The following IL1R1 variants were observed in gnomAD, a reference collection of about 807,000 sequenced individuals.
The protein encoded by IL1R1 is interleukin-1 receptor type 1.
Under a neutral mutation model 50.2 loss-of-function variants are expected in IL1R1, and 22 were observed. That is an observed-to-expected ratio of 0.44 (90% confidence interval 0.31 to 0.63). IL1R1 has a LOEUF of 0.63. Among genes scored for constraint, IL1R1 ranks in the 20% least tolerant of loss-of-function variants. IL1R1 has a pLI of 0.07. For missense variants in IL1R1, 509 were observed against 676.2 expected, an observed-to-expected ratio of 0.75 and a Z score of 2.74; for synonymous variants, 251 against 236.7, an observed-to-expected ratio of 1.06 and a Z score of -0.55.
chr2:102,091,482 T>C (rs960354982), intron 1 of IL1R1, among the ~76,000 whole-genome samples: 8 of 152,250 alleles, frequency 5.3e-5, no homozygotes, highest in Admixed American at 6.5e-5. Context: ...TGTATCCTTT[T>C]CTTCTTTCTG....
At chr2:102,079,717 C>T (rs1413779735) in intron 1 of IL1R1, among the ~76,000 whole-genome samples, 1 of 152,068 alleles carries the variant, frequency 6.6e-6, no homozygotes, top group African/African-American at 2.4e-5. Context: ...TCCAAATTGC[C>T]TTTATTGCAG....
At chr2:102,113,868 G>A (rs1234006868) in intron 1 of IL1R1, among the ~76,000 whole-genome samples, 1 of 152,232 alleles carries the variant, frequency 6.6e-6, no homozygotes, top group African/African-American at 2.4e-5. Context: ...TAAGGAAACT[G>A]AGGCTTAAAA....
chr2:102,168,743 C>T, intron 7 of IL1R1, 80 bp downstream of exon 7: 1 of 953,902 alleles, frequency 1.0e-6, no homozygotes, highest in African/African-American at 1.7e-5. Context: ...TGTATCTTTA[C>T]TATATATAAT....
intron 1 of IL1R1, among the ~76,000 whole-genome samples, chr2:102,088,247 G>T (rs959625359): frequency 3.1e-4 from 47 of 152,074 alleles, no homozygotes; most frequent in African/African-American, 1.1e-3. Context: ...GGCACCTATA[G>T]CCTTACAAAA....
chr2:102,148,305 G>A (rs1683333283), intron 1 of IL1R1, among the ~76,000 whole-genome samples: 1 of 152,188 alleles, frequency 6.6e-6, no homozygotes, highest in African/African-American at 2.4e-5. Flanking sequence ...GTGATCATTA[G>A]GGGTAGGTCA....
intron 1 of IL1R1, among the ~76,000 whole-genome samples, chr2:102,135,356 G>A (rs1682287204): frequency 2.0e-5 from 3 of 152,070 alleles, no homozygotes; most frequent in Admixed American, 2.0e-4. Flanking sequence ...AATGTTTTGG[G>A]ACAGGGGATG....
chr2:102,146,841 C>T (rs183988876), intron 1 of IL1R1, among the ~76,000 whole-genome samples: 6 of 152,302 alleles, frequency 3.9e-5, no homozygotes, highest in East Asian at 1.9e-4. Context: ...TGTCAAGCAT[C>T]GATGGCCTCC....
At chr2:102,134,487 T>C (rs1391213156) in intron 1 of IL1R1, among the ~76,000 whole-genome samples, 20 of 152,162 alleles carry the variant, frequency 1.3e-4, no homozygotes. Context: ...CAAGTGATTC[T>C]TCTGCCTCAG....
At chr2:102,114,821 G>GCAGA (rs2104377008) in intron 1 of IL1R1, among the ~76,000 whole-genome samples, 1 of 151,846 alleles carries the variant, frequency 6.6e-6, no homozygotes, top group East Asian at 1.9e-4. Context: ...GGAAGTAGAG[G>GCAGA]CAGACCTTTA....
At chr2:102,145,739 TCTTAGCTCTGCCTGCAC>T (rs1292716319) in intron 1 of IL1R1, among the ~76,000 whole-genome samples, 2 of 152,122 alleles carry the variant, frequency 1.3e-5, no homozygotes, top group Non-Finnish European at 2.9e-5. Context: ...GAAGCCTGAG[TCTTAGCTCTGCCTGCAC>T]CTTAGCACTG....
chr2:102,159,280 A>G (rs568184374), intron 3 of IL1R1, among the ~76,000 whole-genome samples: 1 of 152,224 alleles, frequency 6.6e-6, no homozygotes, highest in Non-Finnish European at 1.5e-5. Flanking sequence ...GTTAGGAAAG[A>G]TAAGAACTTT....
At chr2:102,071,139 A>C (rs1445224391) in intron 1 of IL1R1, among the ~76,000 whole-genome samples, 1 of 152,222 alleles carries the variant, frequency 6.6e-6, no homozygotes, top group Non-Finnish European at 1.5e-5. Context: ...TCAGAGGTCC[A>C]AAGCTGAAAT....
At chr2:102,071,932 A>G (rs957776853) in intron 1 of IL1R1, among the ~76,000 whole-genome samples, 5 of 152,168 alleles carry the variant, frequency 3.3e-5, no homozygotes, top group Admixed American at 2.6e-4. Flanking sequence ...GAATTGGTCC[A>G]TATTTTTCAA....
At chr2:102,076,115 GT>G (rs1678945526) in intron 1 of IL1R1, among the ~76,000 whole-genome samples, 1 of 150,598 alleles carries the variant, frequency 6.6e-6, no homozygotes, top group Admixed American at 6.6e-5. Context: ...GTTTTGAAAT[GT>G]TTTAATTAAT....
chr2:102,126,264 A>T (rs1681704462), intron 1 of IL1R1, among the ~76,000 whole-genome samples: 1 of 152,238 alleles, frequency 6.6e-6, no homozygotes, highest in African/African-American at 2.4e-5. Flanking sequence ...GAGTTGTCAG[A>T]TGCTTGAGCT....
At chr2:102,082,247 G>T (rs1679242818) in intron 1 of IL1R1, among the ~76,000 whole-genome samples, 2 of 151,730 alleles carry the variant, frequency 1.3e-5, no homozygotes, top group South Asian at 2.1e-4. Flanking sequence ...ATAAATTAAA[G>T]GATAAATTAA....
At chr2:102,077,693 G>A (rs551452900) in intron 1 of IL1R1, among the ~76,000 whole-genome samples, 41 of 152,166 alleles carry the variant, frequency 2.7e-4, no homozygotes, top group Admixed American at 2.0e-4. Flanking sequence ...TTATTGGATC[G>A]TAGGCATTGT....
intron 1 of IL1R1, among the ~76,000 whole-genome samples, chr2:102,096,001 C>CA (rs893438002): frequency 9.3e-5 from 14 of 150,050 alleles, no homozygotes; most frequent in Middle Eastern, 6.8e-3. Context: ...GACTCTGTCT[C>CA]AAAAAAAAAG....
At chr2:102,132,341 A>G (rs999279540) in intron 1 of IL1R1, among the ~76,000 whole-genome samples, 2 of 152,138 alleles carry the variant, frequency 1.3e-5, no homozygotes, top group Admixed American at 6.6e-5. Flanking sequence ...TTTATAGGAT[A>G]TGTAAAAGTA....
Sources: gnomAD v4.1 joint callset for allele counts (sites outside exome capture counted in the v4.1 genomes callset) on GRCh38, gnomAD v4.1.1 for gene constraint, MANE v1.5 for transcripts, NCBI Gene and HGNC (gene_info 2026-07-23, HGNC 2026-07-21) for gene names.